The following NUP58 variants were observed in gnomAD, a reference collection of about 807,000 sequenced individuals.
The protein encoded by NUP58 is nucleoporin p58/p45.
In NUP58, 17 loss-of-function variants were observed where a neutral mutation model predicts 70.1. The ratio of observed to expected loss-of-function variants is 0.24; its 90% confidence interval spans 0.17 to 0.36. The LOEUF is 0.36. Among genes scored for constraint, NUP58 ranks in the 10% least tolerant of loss-of-function variants. NUP58 has a pLI of 1.00. For synonymous variants in NUP58, 275 were observed against 257.6 expected, an observed-to-expected ratio of 1.07 and a Z score of -0.65; for missense variants, 644 against 701.5, an observed-to-expected ratio of 0.92 and a Z score of 0.93.
chr13:25,302,441 C>T (rs544039873), intron 1 of NUP58, among the ~76,000 whole-genome samples: 2 of 152,230 alleles, frequency 1.3e-5, no homozygotes, highest in East Asian at 1.9e-4. Context: ...TGGTAATTTT[C>T]TGCAGTATGT....
intron 2 of NUP58, among the ~76,000 whole-genome samples, chr13:25,308,460 G>A (rs903974637): frequency 2.8e-5 from 4 of 142,382 alleles, no homozygotes; most frequent in Non-Finnish European, 6.1e-5. Context: ...GCACCACCAC[G>A]CCTGGCTAAT....
At chr13:25,327,360 A>G (rs1042690821) in intron 11 of NUP58, 70 bp from the exon 12 acceptor site, 14 of 1,048,966 alleles carry the variant, frequency 1.3e-5, no homozygotes, top group Non-Finnish European at 2.0e-5. Context: ...TTGGACTCAA[A>G]TAGAAAAATA....
At chr13:25,344,014 T>C (rs1185673110), downstream of NUP58, among the ~76,000 whole-genome samples, 1 of 152,028 alleles carries the variant, frequency 6.6e-6, no homozygotes, top group East Asian at 1.9e-4. Flanking sequence ...GCTATACAAA[T>C]ATATACTCCT....
At chr13:25,317,858 ATTT>A (rs34535848) in intron 6 of NUP58, 2 of 118,586 alleles carry the variant, frequency 1.7e-5, no homozygotes, top group Non-Finnish European at 1.7e-5. Flanking sequence ...AAAATGCTTG[ATTT>A]TTTTTTTTTT....
At chr13:25,319,703 T>C (rs974835656) in intron 7 of NUP58, among the ~76,000 whole-genome samples, 1 of 152,124 alleles carries the variant, frequency 6.6e-6, no homozygotes, top group African/African-American at 2.4e-5. Flanking sequence ...TGAATTATTG[T>C]GCCAGTCTCG....
At chr13:25,318,153 C>G (rs1240536930) in intron 6 of NUP58, among the ~76,000 whole-genome samples, 1 of 151,984 alleles carries the variant, frequency 6.6e-6, no homozygotes, top group Non-Finnish European at 1.5e-5. Context: ...GATGGTAAAA[C>G]CCCGTCTCTA....
intron 1 of NUP58, among the ~76,000 whole-genome samples, chr13:25,305,968 A>G (rs768692798): frequency 6.6e-6 from 1 of 152,158 alleles, no homozygotes; most frequent in Non-Finnish European, 1.5e-5. Context: ...ACTAGGGGAC[A>G]TCTTTCTGCT....
chr13:25,339,041 A>G (rs532541284), intron 15 of NUP58, among the ~76,000 whole-genome samples: 4 of 140,280 alleles, frequency 2.9e-5, no homozygotes, highest in Non-Finnish European at 4.4e-5. Flanking sequence ...TCATTATTAC[A>G]AAAAGGAACC....
chr13:25,336,294 A>C, intron 13 of NUP58: 2 of 1,314,782 alleles, frequency 1.5e-6, no homozygotes. Flanking sequence ...TTGTCATGTT[A>C]CTGTGTAATT....
At chr13:25,331,309 T>C (rs756895849) in intron 12 of NUP58, 48 bp from the exon 13 acceptor site, 20 of 1,534,456 alleles carry the variant, frequency 1.3e-5, no homozygotes, top group Non-Finnish European at 1.6e-5. Flanking sequence ...ATATTAACCA[T>C]AGTCAATGTG....
chr13:25,315,695 ACT>A (rs1428119738), intron 6 of NUP58, among the ~76,000 whole-genome samples: 5 of 151,586 alleles, frequency 3.3e-5, no homozygotes, highest in Admixed American at 1.3e-4. Flanking sequence ...TCTGTCAGTA[ACT>A]CTTTTTAAAT....
At chr13:25,338,760 CA>C in intron 15 of NUP58, 29 bp downstream of exon 15, 10 of 1,553,796 alleles carry the variant, frequency 6.4e-6, no homozygotes, top group Non-Finnish European at 8.9e-6. Context: ...GGATTTCAGG[CA>C]AATTTAAAGG....
chr13:25,327,678 A>G (rs2031449191), intron 12 of NUP58, among the ~76,000 whole-genome samples, 166 bp downstream of exon 12: 1 of 152,228 alleles, frequency 6.6e-6, no homozygotes, highest in African/African-American at 2.4e-5. Context: ...ACGATTGATA[A>G]TACCTGTTCT....
At position 25,313,011 on chromosome 13, in the gene NUP58, G is replaced by C; in HGVS notation, c.415G>C (p.Ala139Pro). The C allele has an allele frequency of 6.2e-7, 1 of 1,613,050 alleles. No individual in the cohort carries two copies. The highest frequency in any genetic ancestry group is 8.5e-7 in the Non-Finnish European group (1 of 1,179,746). The change falls in exon 4 of 16, where the codon GCT becomes CCT. Residue 139 changes from alanine to proline, a missense_variant. This residue lies in a region of NUP58 where 430 missense variants were observed against 409.2 expected (regional missense o/e 1.05). Transcript: ENST00000381736. ...TSASGLTLSS[A>P]LTSTPAASTG... ...AGCTAGCGGTCTGACTCTTTCGTCT[G>C]CTCTGACATCAACTCCAGCAGGTGA... is the stretch of plus-strand genomic sequence containing the variant.
intron 7 of NUP58, 105 bp downstream of exon 7, chr13:25,319,455 GA>G (rs765271473): frequency 9.4e-7 from 1 of 1,059,024 alleles, no homozygotes; most frequent in Non-Finnish European, 1.4e-6. Context: ...ACATTTAGGA[GA>G]AAAAACTTTT....
At position 25,313,697 on chromosome 13, in the gene NUP58, G is replaced by T; in HGVS notation, c.520G>T (p.Ala174Ser). The T allele has an allele frequency of 6.5e-7, 1 of 1,532,298 alleles. No homozygotes were observed. The highest frequency in any genetic ancestry group is 8.7e-7 in the Non-Finnish European group (1 of 1,152,728). The allele number at this position is 1,532,298 out of a possible 1,614,324, so 94.9% of individuals were successfully genotyped here. ...ATCAACAGGCCTCTCTTTAGGGGGA[G>T]CCTTAGCTGGTTTGGGAGGTTCACT... ...TASTGLSLGG[A>S]LAGLGGSLFQ... The change falls in exon 5 of 16, where the codon GCC becomes TCC. Residue 174 changes from alanine to serine, a missense_variant. Around this residue, in one of 4 missense-constraint regions of NUP58, gnomAD observed 430 missense variants for 409.2 expected, o/e 1.05. Coordinates refer to ENST00000381736, the MANE Select transcript of NUP58 (RefSeq NM_014089.4).
downstream of NUP58, among the ~76,000 whole-genome samples, chr13:25,343,309 T>G (rs796147937): frequency 1.5e-4 from 23 of 151,538 alleles, no homozygotes; most frequent in African/African-American, 5.5e-4. Flanking sequence ...TTTTTTAAAT[T>G]TTTATTTATT....
intron 2 of NUP58, 70 bp downstream of exon 2, chr13:25,308,018 C>T (rs2030461837): frequency 3.2e-6 from 5 of 1,556,406 alleles, no homozygotes; most frequent in Non-Finnish European, 4.4e-6. Flanking sequence ...TGTCCTGTAT[C>T]TCTCTTTACA....
chr13:25,306,637 A>G (rs2030377528), intron 1 of NUP58, among the ~76,000 whole-genome samples: 1 of 152,192 alleles, frequency 6.6e-6, no homozygotes, highest in South Asian at 2.1e-4. Context: ...AAAGATAAAT[A>G]TGTAGGATAA....
Sources: allele counts gnomAD v4.1 joint callset (sites outside exome capture counted in the v4.1 genomes callset), GRCh38; gene constraint gnomAD v4.1.1; regional missense constraint gnomAD v4.1.1; transcripts MANE v1.5; gene names NCBI Gene and HGNC (gene_info 2026-07-23, HGNC 2026-07-21).